The following BCAN variants were observed in gnomAD, a reference collection of about 807,000 sequenced individuals.
The protein encoded by BCAN is brevican.
BCAN carries 51 observed loss-of-function variants against 92.4 expected under a neutral mutation model. The observed-to-expected ratio is 0.55, with a 90% CI of 0.44 to 0.70. The LOEUF (loss-of-function observed/expected upper bound fraction) is 0.70, where lower values mean the gene tolerates loss of function less well. Ranked by LOEUF, BCAN falls within the 30% of genes least tolerant of loss-of-function variation. The pLI is 0.00. For synonymous variants in BCAN, 501 were observed against 505.2 expected, an observed-to-expected ratio of 0.99 and a Z score of 0.11; for missense variants, 1,140 against 1,212.1, an observed-to-expected ratio of 0.94 and a Z score of 0.88.
intron 2 of BCAN, chr1:156,646,563 T>C: frequency 6.4e-6 from 4 of 628,284 alleles, no homozygotes; most frequent in Non-Finnish European, 5.1e-6. Context: ...CAAGGAATCC[T>C]GGGGGCTGAA....
chr1:156,649,811 C>T (rs369746146), intron 6 of BCAN: 14 of 510,720 alleles, frequency 2.7e-5, no homozygotes, highest in Admixed American at 9.9e-5. Flanking sequence ...CATTGCCATG[C>T]GGTGTCTCGG....
intron 8 of BCAN, chr1:156,653,262 C>G (rs2102567784): frequency 2.5e-6 from 3 of 1,190,708 alleles, no homozygotes; most frequent in Non-Finnish European, 3.1e-6. Flanking sequence ...TTCCACTACT[C>G]CCTTCATCCG....
chr1:156,656,270 TC>T lies in BCAN; in HGVS notation c.1943-7del. ...CCTCGCTCCCCCCGCCTCACTTCTT[TC>T]CCCCTCTCAGGTGACTGTGTCCCCA... On this transcript the variant is annotated splice_polypyrimidine_tract_variant and intron_variant, in intron 8 of 13. Transcript: ENST00000329117. 6.8e-7 allele frequency: 1 copy of T among 1,472,272 alleles called. No individual in the cohort carries two copies. Among genetic ancestry groups the T allele is most frequent in the Non-Finnish European group, 8.9e-7 (1 of 1,121,862 alleles). The allele number at this position is 1,472,272 out of a possible 1,614,324, so 91.2% of individuals were successfully genotyped here.
At chr1:156,653,109 C>T (rs898633982) in intron 8 of BCAN, 122 of 1,415,684 alleles carry the variant, frequency 8.6e-5, no homozygotes, top group Middle Eastern at 2.3e-4. Flanking sequence ...CCTGTGATCC[C>T]AGCCCCGCCA....
chr1:156,646,795 T>C lies in BCAN; in HGVS notation c.92-6T>C. 6.5e-7 allele frequency: 1 copy of C among 1,548,318 alleles called. No homozygotes were observed. Among genetic ancestry groups the C allele is most frequent in the East Asian group, 2.3e-5 (1 of 43,900 alleles). ...TTAAGTTCCAGCCGGCTCCACCCGT[T>C]CACAGAGGACCGCGCTTTTCGCGTG... On this transcript the variant is annotated splice_polypyrimidine_tract_variant and splice_region_variant and intron_variant, in intron 2 of 13. Coordinates refer to ENST00000329117, the MANE Select transcript of BCAN (RefSeq NM_021948.5).
At position 156,652,699 on chromosome 1, in the gene BCAN, G is replaced by A. The variant is rs1182605793; in HGVS notation, c.1749G>A (p.Glu583=). ...ELSGVPRGES[E]ETGSSEGAPS... is the part of the protein sequence containing the mutation. The stretch of plus-strand genomic sequence containing the variant: ...CTGGGGTCCCTCGAGGAGAGAGCGA[G>A]GAGACAGGAAGCTCCGAGGGTGCCC... Residue 583 remains glutamate (E), a synonymous_variant, in exon 8 of 14, where the codon GAG becomes GAA. Coordinates refer to ENST00000329117, the MANE Select transcript of BCAN (RefSeq NM_021948.5). The A allele has an allele frequency of 6.2e-7, 1 of 1,607,808 alleles. No individual in the cohort carries two copies. Among genetic ancestry groups the A allele is most frequent in the African/African-American group, 1.3e-5 (1 of 74,734 alleles).
Position 156,651,499 on chromosome 1 carries a change from C to T in BCAN, c.1107C>T (p.Ala369=). The change falls in exon 7 of 14, where the codon GCC becomes GCT. Residue 369 remains alanine, a synonymous_variant. Transcript: ENST00000329117. The part of the protein sequence containing the change: ...PSAIPEASNP[A]SNPASDGLEA... ...CCATCCCTGAGGCCTCCAACCCAGCCTCCAACCCAGCCTCTGATGGACTAG... is the reference window on the plus strand; with the variant it reads ...CCATCCCTGAGGCCTCCAACCCAGCTTCCAACCCAGCCTCTGATGGACTAG... 1 of 1,613,862 alleles carries T rather than the reference C, an allele frequency of 6.2e-7. No individual in the cohort carries two copies. Among genetic ancestry groups the T allele is most frequent in the Non-Finnish European group, 8.5e-7 (1 of 1,179,920 alleles).
At position 156,658,572 on chromosome 1, in the gene BCAN, C is replaced by T. The variant is rs200975963; in HGVS notation, c.2467C>T (p.Leu823=). 6.2e-6 allele frequency: 10 copies of T among 1,613,992 alleles called. No individual in the cohort carries two copies. Among genetic ancestry groups the T allele is most frequent in the Non-Finnish European group, 8.5e-6 (10 of 1,180,024 alleles). ...VSCGPPPELP[L]AQVFGRPRLR... ...CTGTGGGCCGCCACCGGAGCTGCCCCTGGCTCAAGTGTTCGGCCGCCCACG... is the reference window on the plus strand; with the variant it reads ...CTGTGGGCCGCCACCGGAGCTGCCCTTGGCTCAAGTGTTCGGCCGCCCACG... Residue 823 remains leucine, a synonymous_variant, in exon 13 of 14, where the codon CTG becomes TTG. Transcript: ENST00000329117. This position sits in a 1 kb window ranked among gnomAD's most constrained non-coding sequence, Gnocchi z 4.4.
rs914368656 is a variant in BCAN, at chr1:156,656,300, C to T, written c.1961C>T (p.Pro654Leu). Reference sequence around the variant, plus strand: ...CTCTCAGGTGACTGTGTCCCCAGCCCCTGCCACAATGGTGGGACATGCTTG... The same window carrying T: ...CTCTCAGGTGACTGTGTCCCCAGCCTCTGCCACAATGGTGGGACATGCTTG... ...VPASGDCVPS[P>L]CHNGGTCLEE... The change falls in exon 9 of 14, where the codon CCC becomes CTC. Residue 654 changes from proline to leucine, a missense_variant. Physicochemically the swap from Pro to Leu is moderately conservative, Grantham distance 98. Transcript: ENST00000329117. 2.7e-6 allele frequency: 4 copies of T among 1,456,172 alleles called. No individual in the cohort carries two copies. The highest frequency in any genetic ancestry group is 2.7e-5 in the East Asian group (1 of 36,828). 90.2% of individuals were successfully genotyped at this position (1,456,172 alleles called of 1,614,324 possible).
chr1:156,646,207 G>A, intron 2 of BCAN, 62 bp downstream of exon 2: 1 of 1,513,714 alleles, frequency 6.6e-7, no homozygotes, highest in East Asian at 2.3e-5. Flanking sequence ...ACTGCTTCCA[G>A]GCTTAGGGGC....
chr1:156,656,743 ACCAGCGCC>A (rs775214435), intron 9 of BCAN, 187 bp from the exon 10 acceptor site: 76 of 711,138 alleles, frequency 1.1e-4, no homozygotes, highest in Admixed American at 9.6e-4. Flanking sequence ...TAGAAAAGGC[ACCAGCGCC>A]CCTGCCCAAG....
intron 1 of BCAN, chr1:156,643,635 C>CACACAGAG (rs549293956): frequency 3.3e-4 from 34 of 103,854 alleles, no homozygotes; most frequent in Admixed American, 1.2e-3. Context: ...CACACACACA[C>CACACAGAG]AGAGAGAGAG....
In BCAN at chr1:156,646,647, AGGACCCTGGCCCCTGGCCCCTGGCCCCT is replaced by A. The variant is rs1314141133; in HGVS notation, c.92-151_92-124del. 8.5e-6 allele frequency: 10 copies of A among 1,181,034 alleles called. No individual in the cohort carries two copies. The Admixed American group carries it at 3.7e-4, about 43-fold the overall frequency. 73.2% of individuals were successfully genotyped at this position (1,181,034 alleles called of 1,614,324 possible). On this transcript the variant is annotated intron_variant, in intron 2 of 13. Transcript: ENST00000329117. The stretch of plus-strand genomic sequence containing the variant: ...CTGGAGGACCTAGAGGTAGGGCTGC[AGGACCCTGGCCCCTGGCCCCTGGCCCCT>A]GGTCCTAGGGGGGCCGGGGAATCCT...
At chr1:156,650,278 A>C (rs1679118100) in intron 6 of BCAN, among the ~76,000 whole-genome samples, 1 of 152,088 alleles carries the variant, frequency 6.6e-6, no homozygotes, top group South Asian at 2.1e-4. Flanking sequence ...ATATGACTAC[A>C]GTTGGGACTA....
At chr1:156,643,237 T>A (rs1678847450) in intron 1 of BCAN, 1 of 152,268 alleles carries the variant, frequency 6.6e-6, no homozygotes, top group Non-Finnish European at 1.5e-5. Context: ...TTGCTATTTA[T>A]AACAGCATCA....
At position 156,658,863 on chromosome 1, in the gene BCAN, G is replaced by T; in HGVS notation, c.2628+130G>T. ...ATCACTGCCCCTCTCTGAGGCAAAG[G>T]GGAAGAGGTGGGCTGGAGGCTCTGG... is the stretch of plus-strand genomic sequence containing the variant. On this transcript the variant is annotated intron_variant, in intron 13 of 13. Transcript: ENST00000329117. The surrounding 1 kb of genome is among the most constrained non-coding windows in gnomAD (Gnocchi z 4.4). 1 of 1,404,954 alleles carries T rather than the reference G, an allele frequency of 7.1e-7. No individual in the cohort carries two copies. 87.0% of individuals were successfully genotyped at this position (1,404,954 alleles called of 1,614,324 possible).
Position 156,652,336 on chromosome 1 carries a change from A to C in BCAN, c.1386A>C (p.Glu462Asp). Reference protein sequence around the residue: ...ALEEEEKYEDEEEKEEEEEEE... With the variant: ...ALEEEEKYEDDEEKEEEEEEE... ...AGGAAGAAGAGAAATATGAAGATGA[A>C]GAAGAGAAAGAGGAGGAAGAAGAAG... is the stretch of plus-strand genomic sequence containing the variant. The change falls in exon 8 of 14, where the codon GAA (glutamate) becomes GAC (aspartate). Residue 462 changes from glutamate to aspartate, a missense_variant. Around this residue, in one of 3 missense-constraint regions of BCAN, gnomAD observed 825 missense variants for 871.8 expected, o/e 0.95. Transcript: ENST00000329117. 1 of 1,614,102 alleles carries C rather than the reference A, an allele frequency of 6.2e-7. No homozygotes were observed. Among genetic ancestry groups the C allele is most frequent in the South Asian group, 1.1e-5 (1 of 91,066 alleles).
chr1:156,652,048 C>A (rs1679181336), intron 7 of BCAN, among the ~76,000 whole-genome samples, 200 bp from the exon 8 acceptor site: 1 of 152,194 alleles, frequency 6.6e-6, no homozygotes, highest in Non-Finnish European at 1.5e-5. Context: ...GCTCACAGAG[C>A]CTTCTCAAGT....
intron 6 of BCAN, among the ~76,000 whole-genome samples, chr1:156,649,703 C>A (rs1679098787): frequency 6.6e-6 from 1 of 152,220 alleles, no homozygotes; most frequent in Admixed American, 6.5e-5. Flanking sequence ...TGCACCCAAA[C>A]CTGCCCATAT....
Sources: gnomAD v4.1 joint callset for allele counts (sites outside exome capture counted in the v4.1 genomes callset) on GRCh38, gnomAD v4.1.1 for gene constraint, gnomAD v4.1.1 regional missense constraint, Gnocchi (gnomAD v3.1) non-coding constraint, MANE v1.5 for transcripts, NCBI Gene and HGNC (gene_info 2026-07-23, HGNC 2026-07-21) for gene names.